F2R: variants seen among roughly 807,000 people sequenced by gnomAD.
The protein encoded by F2R is coagulation factor II thrombin receptor.
In F2R, 12 loss-of-function variants were observed where a neutral mutation model predicts 18.3. The observed-to-expected ratio is 0.66, with a 90% CI of 0.42 to 1.06. F2R has a LOEUF of 1.06. F2R is among the 50% of genes least tolerant of loss of function. The pLI, the probability that F2R is intolerant of heterozygous loss-of-function variation, is 0.00. For missense variants in F2R, 438 were observed against 530.8 expected, an observed-to-expected ratio of 0.83 and a Z score of 1.72; for synonymous variants, 210 against 219.9, an observed-to-expected ratio of 0.95 and a Z score of 0.40.
chr5:76,717,758 G>A (rs1319821946), intron 1 of F2R, among the ~76,000 whole-genome samples: 1 of 152,154 alleles, frequency 6.6e-6, no homozygotes, highest in East Asian at 1.9e-4. Flanking sequence ...AGAATCCAGT[G>A]TTTTGTTTGA....
At position 76,732,933 on chromosome 5, in the gene F2R, T is replaced by C. The variant is rs149484608; in HGVS notation, c.708T>C (p.Pro236=). ...CTTTGGCCATCGCAGGGGTAGTGCC[T>C]CTGCTCCTCAAGGAGCAAACCATCC... ...IWALAIAGVV[P]LLLKEQTIQV... is the part of the protein sequence containing the mutation. The change falls in exon 2 of 2, where the codon CCT becomes CCC. Residue 236 remains proline, a synonymous_variant. Transcript: ENST00000319211. 1.7e-4 allele frequency: 277 copies of C among 1,614,064 alleles called. No individual in the cohort carries two copies. Among genetic ancestry groups the C allele is most frequent in the Middle Eastern group, 4.9e-4 (3 of 6,084 alleles).
intron 1 of F2R, 54 bp downstream of exon 1, chr5:76,716,449 T>A: frequency 7.5e-7 from 1 of 1,332,826 alleles, no homozygotes; most frequent in South Asian, 1.6e-5. Flanking sequence ...GAGGGGAGAC[T>A]GCGGGGGTCA....
intron 1 of F2R, among the ~76,000 whole-genome samples, chr5:76,724,181 C>A (rs1156709782): frequency 6.6e-6 from 1 of 152,144 alleles, no homozygotes; most frequent in Non-Finnish European, 1.5e-5. Flanking sequence ...AATCCTCCTG[C>A]CTCAGACTCC....
At chr5:76,721,194 G>A (rs1372237115) in intron 1 of F2R, among the ~76,000 whole-genome samples, 1 of 152,190 alleles carries the variant, frequency 6.6e-6, no homozygotes, top group African/African-American at 2.4e-5. Flanking sequence ...TTAGGACTCA[G>A]GGCCTTGGTT....
intron 1 of F2R, chr5:76,716,865 T>C (rs1748356085): frequency 1.9e-6 from 1 of 514,252 alleles, no homozygotes; most frequent in African/African-American, 2.0e-5. Context: ...AGAAAAGTGA[T>C]GTAGAGAAAA....
intron 1 of F2R, among the ~76,000 whole-genome samples, chr5:76,730,131 C>A (rs1282523082): frequency 1.3e-5 from 2 of 152,126 alleles, no homozygotes; most frequent in Non-Finnish European, 2.9e-5. Context: ...GCTTTAGCAG[C>A]CAATTAATTT....
At chr5:76,721,383 T>C (rs1202379490) in intron 1 of F2R, among the ~76,000 whole-genome samples, 3 of 152,148 alleles carry the variant, frequency 2.0e-5, no homozygotes, top group Non-Finnish European at 4.4e-5. Flanking sequence ...GGGCATGAGC[T>C]TTCACTTCCC....
intron 1 of F2R, chr5:76,716,876 G>A: frequency 2.0e-6 from 1 of 507,498 alleles, no homozygotes; most frequent in Non-Finnish European, 3.5e-6. Context: ...GTAGAGAAAA[G>A]CCCAGGCAGT....
chr5:76,728,164 T>C (rs935862318), intron 1 of F2R, among the ~76,000 whole-genome samples: 1 of 152,240 alleles, frequency 6.6e-6, no homozygotes, highest in Non-Finnish European at 1.5e-5. Context: ...ATAACATGTA[T>C]TACCTCAAAT....
chr5:76,735,561 CTG>C lies in F2R; in HGVS notation c.*2060_*2061del, dbSNP rs1299501349. ...AATAACTTACATAAAAGTAATATAACTGTATTGTAAGTAGAAGCTAGCACTGG... is the reference window on the plus strand; with the variant it reads ...AATAACTTACATAAAAGTAATATAACTATTGTAAGTAGAAGCTAGCACTGG... On this transcript the variant is annotated 3_prime_UTR_variant, in exon 2 of 2. Transcript: ENST00000319211. 2 of 152,200 alleles carry C rather than the reference CTG, an allele frequency of 1.3e-5. No homozygotes were observed. The highest frequency in any genetic ancestry group is 1.5e-5 in the Non-Finnish European group (1 of 68,016). The allele number at this position is 152,200 out of a possible 1,614,324, so 9.4% of individuals were successfully genotyped here.
chr5:76,730,884 G>A (rs1460637425), intron 1 of F2R, among the ~76,000 whole-genome samples: 2 of 152,174 alleles, frequency 1.3e-5, no homozygotes, highest in Admixed American at 6.5e-5. Context: ...TTATCCATTC[G>A]TTATAAAGAA....
At chr5:76,717,617 C>A (rs1748370685) in intron 1 of F2R, among the ~76,000 whole-genome samples, 1 of 152,138 alleles carries the variant, frequency 6.6e-6, no homozygotes, top group Admixed American at 6.5e-5. Flanking sequence ...AGCCTGCCTG[C>A]AGATAAGTGA....
Position 76,734,765 on chromosome 5 carries a change from T to C in F2R, c.*1262T>C, listed in dbSNP as rs1157161538. ...AACAAGGCCTGTCAGCTAAAGAAGT[T>C]TGAACATTTGGGTTACTATTTCTTG... is the stretch of plus-strand genomic sequence containing the variant. On this transcript the variant is annotated 3_prime_UTR_variant, in exon 2 of 2. Coordinates refer to ENST00000319211, the MANE Select transcript of F2R (RefSeq NM_001992.5). 2 of 152,372 alleles carry C rather than the reference T, an allele frequency of 1.3e-5. No homozygotes were observed. Among genetic ancestry groups the C allele is most frequent in the African/African-American group, 2.4e-5 (1 of 41,450 alleles). The allele number at this position is 152,372 out of a possible 1,614,324, so 9.4% of individuals were successfully genotyped here. A position where few individuals can be genotyped will look rare whatever the true frequency, so the allele number is the denominator to read the frequency against.
At chr5:76,718,889 C>T (rs1006090643) in intron 1 of F2R, among the ~76,000 whole-genome samples, 1 of 152,100 alleles carries the variant, frequency 6.6e-6, no homozygotes, top group Non-Finnish European at 1.5e-5. Flanking sequence ...CACTTGCTAC[C>T]CTCCTACTCA....
Position 76,731,608 on chromosome 5 carries a change from C to T in F2R, c.89-706C>T, listed in dbSNP as rs544607130. ...GCAGTGGTGTGATCTTGGCTCACTGCAACCTCTGCTGCCCAGGTTCAAGCG... is the reference window on the plus strand; with the variant it reads ...GCAGTGGTGTGATCTTGGCTCACTGTAACCTCTGCTGCCCAGGTTCAAGCG... On this transcript the variant is annotated intron_variant, in intron 1 of 1. Transcript: ENST00000319211. Among the ~76,000 whole-genome samples, 195 of 151,748 alleles carry T rather than the reference C, an allele frequency of 1.3e-3. 1 individual carries two copies. The highest frequency in any genetic ancestry group is 4.4e-3 in the African/African-American group (180 of 41,324).
chr5:76,725,517 C>T (rs937912289), intron 1 of F2R, among the ~76,000 whole-genome samples: 5 of 152,052 alleles, frequency 3.3e-5, no homozygotes, highest in Admixed American at 2.0e-4. Context: ...GGAGGAAAAG[C>T]GAGATACTTA....
Position 76,716,183 on chromosome 5 carries a change from G to A in F2R, c.-125G>A. ...GCTTGGACCCTGATCTTACCCGTGG[G>A]CACCCTGCGCTCTGCCTGCCGCGAA... On this transcript the variant is annotated 5_prime_UTR_variant, in exon 1 of 2. Transcript: ENST00000319211. 2 of 671,450 alleles carry A rather than the reference G, an allele frequency of 3.0e-6. No homozygotes were observed. Among genetic ancestry groups the A allele is most frequent in the Non-Finnish European group, 4.4e-6 (2 of 457,478 alleles). 41.6% of individuals were successfully genotyped at this position (671,450 alleles called of 1,614,324 possible). A position where few individuals can be genotyped will look rare whatever the true frequency, so the allele number is the denominator to read the frequency against.
intron 1 of F2R, among the ~76,000 whole-genome samples, chr5:76,718,063 C>T (rs746582129): frequency 2.0e-5 from 3 of 152,116 alleles, no homozygotes; most frequent in Non-Finnish European, 2.9e-5. Flanking sequence ...TTGCTAAGTG[C>T]CATATTCCAT....
At chr5:76,724,768 G>T (rs1026720420) in intron 1 of F2R, among the ~76,000 whole-genome samples, 4 of 152,122 alleles carry the variant, frequency 2.6e-5, no homozygotes, top group African/African-American at 4.8e-5. Context: ...GCGTCTTTTT[G>T]ACCTAACCCT....
Sources: gnomAD v4.1 joint callset for allele counts (sites outside exome capture counted in the v4.1 genomes callset) on GRCh38, gnomAD v4.1.1 for gene constraint, MANE v1.5 for transcripts, NCBI Gene and HGNC (gene_info 2026-07-23, HGNC 2026-07-21) for gene names.